CCBE1: variants seen among roughly 807,000 people sequenced by gnomAD.
CCBE1 encodes the protein collagen and calcium-binding EGF domain-containing protein 1.
CCBE1 carries 37 observed loss-of-function variants against 50.0 expected under a neutral mutation model. The ratio of observed to expected loss-of-function variants is 0.74; its 90% CI spans 0.57 to 0.97. The LOEUF is 0.97. CCBE1 is among the 50% of genes least tolerant of loss of function. The pLI is 0.00. For missense variants in CCBE1, 538 were observed against 523.8 expected (o/e 1.03, Z -0.26); for synonymous variants, 234 against 203.7 (o/e 1.15, Z -1.27).
Position 59,543,834 on chromosome 18 carries a change from C to CAAAAAAAAAAAAAA in CCBE1, c.213-63610_213-63597dup, listed in dbSNP as rs10678902. 1.3e-3 allele frequency among the ~76,000 whole-genome samples: 87 copies of CAAAAAAAAAAAAAA among 68,980 alleles called. 3 individuals carry two copies. Among genetic ancestry groups the CAAAAAAAAAAAAAA allele is most frequent in the African/African-American group, 5.9e-3 (82 of 13,802 alleles). 45.3% of individuals were successfully genotyped at this position (68,980 alleles called of 152,430 possible). The stretch of plus-strand genomic sequence containing the variant: ...TGGGAGATAGAGCGAGACTCCGTCT[C>CAAAAAAAAAAAAAA]AAAAAAAAAAAAAAAAAAAAAAAAC... On this transcript the variant is annotated intron_variant, in intron 2 of 10. Coordinates refer to ENST00000439986, the MANE Select transcript of CCBE1 (RefSeq NM_133459.4).
intron 2 of CCBE1, among the ~76,000 whole-genome samples, chr18:59,502,872 T>TGATAGGAG (rs764742613): frequency 3.9e-5 from 6 of 152,188 alleles, no homozygotes; most frequent in Non-Finnish European, 7.3e-5. Context: ...GCAACCCTTC[T>TGATAGGAG]AGTTTTGCAG....
intron 2 of CCBE1, among the ~76,000 whole-genome samples, chr18:59,604,053 G>C (rs967038719): frequency 6.6e-6 from 1 of 152,204 alleles, no homozygotes; most frequent in African/African-American, 2.4e-5. Context: ...AAAGGTATCT[G>C]TTGTTTCTCT....
At chr18:59,485,213 T>C (rs1025262172) in intron 2 of CCBE1, among the ~76,000 whole-genome samples, 1 of 152,182 alleles carries the variant, frequency 6.6e-6, no homozygotes, top group African/African-American at 2.4e-5. Context: ...ATCAAGAAAG[T>C]CTGTGGAGTT....
chr18:59,463,183 A>AC (rs148420148), intron 5 of CCBE1, among the ~76,000 whole-genome samples: 3,615 of 151,926 alleles, frequency 0.024, 72 homozygotes, highest in Middle Eastern at 0.096. Context: ...CCCCTTTCCC[A>AC]CCCTAGCCTG....
chr18:59,615,542 T>C (rs1209545149), intron 2 of CCBE1, among the ~76,000 whole-genome samples: 1 of 151,832 alleles, frequency 6.6e-6, no homozygotes, highest in African/African-American at 2.4e-5. Context: ...GTGTTTTCAC[T>C]GTATTTGGTA....
chr18:59,623,394 G>C (rs1388673940), intron 2 of CCBE1, among the ~76,000 whole-genome samples: 1 of 152,146 alleles, frequency 6.6e-6, no homozygotes, highest in Admixed American at 6.5e-5. Flanking sequence ...CATGGTGTGT[G>C]GTCAGGGCAC....
intron 2 of CCBE1, among the ~76,000 whole-genome samples, chr18:59,482,895 G>GTTTTTTTT (rs1555682180): frequency 2.4e-5 from 3 of 125,910 alleles, no homozygotes; most frequent in Non-Finnish European, 3.7e-5. Flanking sequence ...TTTTTAAGAA[G>GTTTTTTTT]TATTTTTTTT....
intron 2 of CCBE1, among the ~76,000 whole-genome samples, chr18:59,537,647 T>A (rs1327875477): frequency 1.3e-5 from 2 of 152,204 alleles, no homozygotes; most frequent in African/African-American, 2.4e-5. Context: ...TCATCAGCAG[T>A]GTGAAAATGG....
At chr18:59,697,583 T>C, upstream of CCBE1, 1 of 543,336 alleles carries the variant, frequency 1.8e-6, no homozygotes, top group Non-Finnish European at 3.2e-6. Context: ...GTACCTGCGG[T>C]GTCCGGCTGG....
At position 59,550,998 on chromosome 18, in the gene CCBE1, C is replaced by CAAAAAAAAAAAAA; in HGVS notation, c.213-70773_213-70761dup. 1.1e-3 allele frequency among the ~76,000 whole-genome samples: 78 copies of CAAAAAAAAAAAAA among 71,376 alleles called. 1 individual carries two copies. The highest frequency in any genetic ancestry group is 1.6e-3 in the Non-Finnish European group (64 of 39,054). The allele number at this position is 71,376 out of a possible 152,430, so 46.8% of individuals were successfully genotyped here. A position where few individuals can be genotyped will look rare whatever the true frequency, so the allele number is the denominator to read the frequency against. ...CCAGCCTGGGCAACACAGCGAGACTCAAAAAAAAAAAAAAAAAAAAAAAAA... is the reference window on the plus strand; with the variant it reads ...CCAGCCTGGGCAACACAGCGAGACTCAAAAAAAAAAAAAAAAAAAAAAAAAAAAAAAAAAAAAA... On this transcript the variant is annotated intron_variant, in intron 2 of 10. Transcript: ENST00000439986.
chr18:59,518,886 C>T (rs531238480), intron 2 of CCBE1, among the ~76,000 whole-genome samples: 1 of 152,304 alleles, frequency 6.6e-6, no homozygotes, highest in South Asian at 2.1e-4. Context: ...CAGCCCTGAA[C>T]CAATGACTGA....
At chr18:59,511,945 T>G (rs1161002208) in intron 2 of CCBE1, among the ~76,000 whole-genome samples, 1 of 152,248 alleles carries the variant, frequency 6.6e-6, no homozygotes, top group African/African-American at 2.4e-5. Context: ...ACCTTAGCCC[T>G]TGATTTCCAT....
At chr18:59,446,093 A>C (rs1910655772) in intron 7 of CCBE1, among the ~76,000 whole-genome samples, 1 of 152,218 alleles carries the variant, frequency 6.6e-6, no homozygotes, top group Non-Finnish European at 1.5e-5. Context: ...AAGAGAGAGA[A>C]GGAAATGGGT....
intron 2 of CCBE1, among the ~76,000 whole-genome samples, chr18:59,552,315 C>T (rs1006690761): frequency 3.9e-5 from 6 of 152,160 alleles, no homozygotes; most frequent in Non-Finnish European, 8.8e-5. Flanking sequence ...GAGCATTTTT[C>T]CCCCAGGATG....
chr18:59,683,724 A>G (rs764826581), intron 2 of CCBE1, among the ~76,000 whole-genome samples: 37 of 151,356 alleles, frequency 2.4e-4, no homozygotes, highest in Non-Finnish European at 4.4e-4. Flanking sequence ...GAAAGGAAAA[A>G]GAAAGGAAAG....
chr18:59,441,858 A>T (rs1244375435), intron 7 of CCBE1, among the ~76,000 whole-genome samples: 1 of 152,242 alleles, frequency 6.6e-6, no homozygotes, highest in African/African-American at 2.4e-5. Context: ...AGGTGAGATA[A>T]TATCGAACCA....
At chr18:59,438,030 A>T in intron 10 of CCBE1, 81 bp downstream of exon 10, 1 of 1,462,698 alleles carries the variant, frequency 6.8e-7, no homozygotes, top group Non-Finnish European at 9.6e-7. Context: ...GGCTTTTGCT[A>T]CTAGACCAAC....
At chr18:59,681,031 G>A (rs2054582724) in intron 2 of CCBE1, among the ~76,000 whole-genome samples, 2 of 150,332 alleles carry the variant, frequency 1.3e-5, no homozygotes, top group South Asian at 4.2e-4. Flanking sequence ...CATCCTTTTA[G>A]GAAGGTAATT....
intron 2 of CCBE1, among the ~76,000 whole-genome samples, chr18:59,614,416 T>C (rs1249269066): frequency 6.6e-6 from 1 of 152,220 alleles, no homozygotes; most frequent in Non-Finnish European, 1.5e-5. Context: ...ATAGTTCTAA[T>C]TTAAATTTAA....
Sources: gnomAD v4.1 joint callset for allele counts (sites outside exome capture counted in the v4.1 genomes callset) on GRCh38, gnomAD v4.1.1 for gene constraint, MANE v1.5 for transcripts, NCBI Gene and HGNC (gene_info 2026-07-23, HGNC 2026-07-21) for gene names.